Variants in LUC7L3 observed in about 807,000 individuals in gnomAD.
The protein encoded by LUC7L3 is luc7-like protein 3.
LUC7L3 carries 6 observed loss-of-function variants against 66.8 expected under a neutral mutation model. That is an observed-to-expected ratio of 0.09 (90% CI 0.05 to 0.18). The LOEUF (loss-of-function observed/expected upper bound fraction) is 0.18, where lower values mean the gene tolerates loss of function less well. Among genes scored for constraint, LUC7L3 ranks in the 10% least tolerant of loss-of-function variants. The pLI, the probability that LUC7L3 is intolerant of heterozygous loss-of-function variation, is 1.00. For missense variants in LUC7L3, 341 were observed against 531.1 expected, an observed-to-expected ratio of 0.64 and a Z score of 3.52; for synonymous variants, 160 against 174.7, an observed-to-expected ratio of 0.92 and a Z score of 0.66.
chr17:50,737,766 C>T (rs114909547), intron 2 of LUC7L3, among the ~76,000 whole-genome samples: 1 of 152,190 alleles, frequency 6.6e-6, no homozygotes, highest in African/African-American at 2.4e-5. Context: ...GTTGATCTTA[C>T]TCTCCTCCCC....
chr17:50,723,701 C>G (rs904007853), intron 1 of LUC7L3: 2 of 193,892 alleles, frequency 1.0e-5, no homozygotes, highest in Admixed American at 1.2e-4. Context: ...GTCACCCAGG[C>G]TGGAGTGTAG....
At position 50,756,180 on chromosome 17, in the gene LUC7L3, A is replaced by C. The variant is rs534764933; in HGVS notation, c.*5519A>C. On this transcript the variant is annotated 3_prime_UTR_variant, in exon 10 of 10. Coordinates refer to ENST00000505658, the MANE Select transcript of LUC7L3 (RefSeq NM_016424.5). ...ATGTTTATGTGCTTTTGTATGTATG[A>C]TATTTCTTAATAAAATTTAAAAAGA... 6.6e-6 allele frequency: 1 copy of C among 151,450 alleles called. No individual in the cohort carries two copies. Among genetic ancestry groups the C allele is most frequent in the East Asian group, 1.9e-4 (1 of 5,170 alleles). 9.4% of individuals were successfully genotyped at this position (151,450 alleles called of 1,614,324 possible).
intron 2 of LUC7L3, chr17:50,738,284 C>T (rs945310788): frequency 3.0e-5 from 8 of 270,538 alleles, no homozygotes; most frequent in Non-Finnish European, 5.2e-5. Flanking sequence ...CTGACAAACC[C>T]TGCCTAATCC....
Position 50,752,579 on chromosome 17 carries a change from A to G in LUC7L3, c.*1918A>G, listed in dbSNP as rs989290940. Reference sequence around the variant, plus strand: ...GACTAAGTGGGATTTCATTTTTACAACTCTGCTCTACTTAGCCTTTGGATT... The same window carrying G: ...GACTAAGTGGGATTTCATTTTTACAGCTCTGCTCTACTTAGCCTTTGGATT... On this transcript the variant is annotated 3_prime_UTR_variant, in exon 10 of 10. Transcript: ENST00000505658. 1.3e-5 allele frequency: 2 copies of G among 153,978 alleles called. No homozygotes were observed. The highest frequency in any genetic ancestry group is 6.5e-5 in the Admixed American group (1 of 15,318). 9.5% of individuals were successfully genotyped at this position (153,978 alleles called of 1,614,324 possible).
Position 50,754,903 on chromosome 17 carries a change from T to C in LUC7L3, c.*4242T>C, listed in dbSNP as rs1423213101. ...CACCTTCTGATTAAAGTTTTCAGAC[T>C]TGTAAGAACTGAAAATTTTTATGGT... On this transcript the variant is annotated 3_prime_UTR_variant, in exon 10 of 10. Coordinates refer to ENST00000505658, the MANE Select transcript of LUC7L3 (RefSeq NM_016424.5). The C allele has an allele frequency of 1.3e-5, 2 of 152,200 alleles. No individual in the cohort carries two copies. The highest frequency in any genetic ancestry group is 4.8e-5 in the African/African-American group (2 of 41,456). The allele number at this position is 152,200 out of a possible 1,614,324, so 9.4% of individuals were successfully genotyped here. A position where few individuals can be genotyped will look rare whatever the true frequency, so the allele number is the denominator to read the frequency against.
At chr17:50,729,945 T>C (rs1969473648) in intron 1 of LUC7L3, among the ~76,000 whole-genome samples, 1 of 37,544 alleles carries the variant, frequency 2.7e-5, no homozygotes, top group Admixed American at 2.7e-4. Context: ...TATATATATA[T>C]GTATGTATTT....
rs771159956 is a variant in LUC7L3 at position 50,745,998 on chromosome 17, G to C, written c.972G>C (p.Arg324=). The change falls in exon 8 of 10, where the codon CGG becomes CGC. Residue 324 remains arginine (R), a synonymous_variant. Coordinates refer to ENST00000505658, the MANE Select transcript of LUC7L3 (RefSeq NM_016424.5). The part of the protein sequence containing the change: ...HKRSRSRERR[R]SRSRDRRRSR... ...GGTCACGAAGTAGAGAAAGAAGGCG[G>C]AGCAGGTATATATAAAACACCCTAA... 22 of 1,597,846 alleles carry C rather than the reference G, an allele frequency of 1.4e-5. No individual in the cohort carries two copies. The highest frequency in any genetic ancestry group is 1.8e-5 in the Admixed American group (1 of 55,256).
chr17:50,748,210 C>T (rs950913716), intron 9 of LUC7L3, among the ~76,000 whole-genome samples: 3 of 152,112 alleles, frequency 2.0e-5, no homozygotes, highest in Non-Finnish European at 4.4e-5. Context: ...ATGACACTGG[C>T]CTGACTAAAA....
intron 1 of LUC7L3, among the ~76,000 whole-genome samples, chr17:50,731,013 A>G (rs1011886342): frequency 6.0e-5 from 9 of 150,690 alleles, no homozygotes; most frequent in African/African-American, 2.2e-4. Context: ...TATTAAGAGG[A>G]TAAGTTATGA....
Position 50,756,052 on chromosome 17 carries a change from C to T in LUC7L3, c.*5391C>T, listed in dbSNP as rs1013936113. 29 of 152,118 alleles carry T rather than the reference C, an allele frequency of 1.9e-4. No homozygotes were observed. Among genetic ancestry groups the T allele is most frequent in the African/African-American group, 5.6e-4 (23 of 41,394 alleles). The allele number at this position is 152,118 out of a possible 1,614,324, so 9.4% of individuals were successfully genotyped here. On this transcript the variant is annotated 3_prime_UTR_variant, in exon 10 of 10. Coordinates refer to ENST00000505658, the MANE Select transcript of LUC7L3 (RefSeq NM_016424.5). Reference sequence around the variant, plus strand: ...GATTAAGACAAAATTTAATGTTAGCCGTTTTGATGGAGGGAGAGGTGATCA... The same window carrying T: ...GATTAAGACAAAATTTAATGTTAGCTGTTTTGATGGAGGGAGAGGTGATCA...
At chr17:50,749,736 A>G (rs1033094356) in intron 9 of LUC7L3, among the ~76,000 whole-genome samples, 5 of 152,086 alleles carry the variant, frequency 3.3e-5, no homozygotes, top group Non-Finnish European at 5.9e-5. Flanking sequence ...TTGTTGGGGG[A>G]ATACTTGGAA....
At position 50,752,417 on chromosome 17, in the gene LUC7L3, A is replaced by G; in HGVS notation, c.*1756A>G. The G allele has an allele frequency of 4.2e-6, 1 of 238,490 alleles. No individual in the cohort carries two copies. The highest frequency in any genetic ancestry group is 8.0e-6 in the Non-Finnish European group (1 of 125,120). 14.8% of individuals were successfully genotyped at this position (238,490 alleles called of 1,614,324 possible). A position where few individuals can be genotyped will look rare whatever the true frequency, so the allele number is the denominator to read the frequency against. ...ATAGTATATATGCCACTGAAAACTT[A>G]GGTCCTGTATCATACTTTTTTCTTT... is the stretch of plus-strand genomic sequence containing the variant. On this transcript the variant is annotated 3_prime_UTR_variant, in exon 10 of 10. Transcript: ENST00000505658.
intron 1 of LUC7L3, among the ~76,000 whole-genome samples, chr17:50,720,461 A>G (rs1215125697): frequency 6.6e-6 from 1 of 152,226 alleles, no homozygotes; most frequent in Non-Finnish European, 1.5e-5. Context: ...GGTAAATATT[A>G]TAACCCCAGT....
At chr17:50,732,557 A>G (rs1000780071) in intron 1 of LUC7L3, among the ~76,000 whole-genome samples, 2 of 117,778 alleles carry the variant, frequency 1.7e-5, no homozygotes, top group African/African-American at 7.4e-5. Context: ...AATTTTTTTC[A>G]TTCTTTTTTT....
intron 1 of LUC7L3, among the ~76,000 whole-genome samples, chr17:50,729,946 GTA>G (rs1321007280): frequency 3.5e-5 from 1 of 28,864 alleles, no homozygotes; most frequent in Non-Finnish European, 7.9e-5. Flanking sequence ...ATATATATAT[GTA>G]TGTATTTTGG....
At chr17:50,727,587 A>G (rs566198455) in intron 1 of LUC7L3, among the ~76,000 whole-genome samples, 1 of 152,272 alleles carries the variant, frequency 6.6e-6, no homozygotes, top group African/African-American at 2.4e-5. Flanking sequence ...CCAGATTGGG[A>G]TGGATACTCA....
intron 2 of LUC7L3, chr17:50,737,401 C>T: frequency 2.2e-6 from 1 of 447,440 alleles, no homozygotes; most frequent in Non-Finnish European, 4.4e-6. Context: ...ACCCTAAAAG[C>T]CTGCAGAAGG....
chr17:50,745,058 C>G (rs916373190), intron 7 of LUC7L3, among the ~76,000 whole-genome samples: 1 of 152,074 alleles, frequency 6.6e-6, no homozygotes. Context: ...GGCGTGATCT[C>G]GGCTCACCGC....
intron 9 of LUC7L3, among the ~76,000 whole-genome samples, chr17:50,747,757 G>T (rs1035979895): frequency 6.6e-6 from 1 of 151,996 alleles, no homozygotes; most frequent in Non-Finnish European, 1.5e-5. Flanking sequence ...CTTAAAATAA[G>T]CACACACTCT....
Sources: gnomAD v4.1 joint callset for allele counts (sites outside exome capture counted in the v4.1 genomes callset) on GRCh38, gnomAD v4.1.1 for gene constraint, MANE v1.5 for transcripts, NCBI Gene and HGNC (gene_info 2026-07-23, HGNC 2026-07-21) for gene names.